RNF150: variants seen among roughly 807,000 people sequenced by gnomAD.
The protein encoded by RNF150 is ring finger protein 150.
RNF150 carries 24 observed loss-of-function variants against 39.3 expected under a neutral mutation model. The ratio of observed to expected loss-of-function variants is 0.61; its 90% confidence interval spans 0.44 to 0.86. The LOEUF (loss-of-function observed/expected upper bound fraction) is 0.86. Among genes scored for constraint, RNF150 ranks in the 40% least tolerant of loss-of-function variants. The pLI, the probability that RNF150 is intolerant of heterozygous loss-of-function variation, is 0.00. For synonymous variants in RNF150, 255 were observed against 227.3 expected (o/e 1.12, Z -1.10); for missense variants, 502 against 587.8 (o/e 0.85, Z 1.51).
At chr4:141,092,000 A>T (rs1003247102) in intron 1 of RNF150, among the ~76,000 whole-genome samples, 2 of 152,166 alleles carry the variant, frequency 1.3e-5, no homozygotes, top group Non-Finnish European at 2.9e-5. Context: ...TAGGTATACT[A>T]AGCTGTTATT....
rs545699529 is a variant in RNF150 at position 141,058,592 on chromosome 4, G to T, written c.484+73733C>A. On this transcript the variant is annotated intron_variant, in intron 1 of 6. Transcript: ENST00000515673. ...CAGACTGTACTGTGTCTCAGTCCAG[G>T]CTTGATCTGTTACTAGCAATATCAC... Among the ~76,000 whole-genome samples, 190 of 152,166 alleles carry T rather than the reference G, an allele frequency of 1.2e-3. 1 individual carries two copies. Among genetic ancestry groups the T allele is most frequent in the African/African-American group, 4.4e-3 (184 of 41,520 alleles).
At chr4:140,998,304 C>CATA (rs1321990665) in intron 1 of RNF150, among the ~76,000 whole-genome samples, 1 of 152,044 alleles carries the variant, frequency 6.6e-6, no homozygotes, top group African/African-American at 2.4e-5. Flanking sequence ...TAAATAAAGT[C>CATA]ATAAGGGTGA....
At chr4:141,173,671 G>T (rs989799500) in intron 1 of RNF150, among the ~76,000 whole-genome samples, 1 of 152,168 alleles carries the variant, frequency 6.6e-6, no homozygotes, top group Non-Finnish European at 1.5e-5. Context: ...TGAGTACATT[G>T]AGCAGAGCCA....
At chr4:141,047,655 T>C (rs2110879456) in intron 1 of RNF150, among the ~76,000 whole-genome samples, 1 of 152,312 alleles carries the variant, frequency 6.6e-6, no homozygotes, top group Non-Finnish European at 1.5e-5. Context: ...TTTATACCAC[T>C]GACTATGTTC....
intron 1 of RNF150, among the ~76,000 whole-genome samples, chr4:141,109,804 G>GGGGCC (rs1410548161): frequency 1.1e-4 from 17 of 152,108 alleles, no homozygotes; most frequent in Non-Finnish European, 2.5e-4. Flanking sequence ...TAGCAATTAA[G>GGGGCC]AAAACAAGGA....
intron 5 of RNF150, among the ~76,000 whole-genome samples, chr4:140,913,413 G>A (rs898832756): frequency 6.6e-6 from 1 of 152,132 alleles, no homozygotes; most frequent in African/African-American, 2.4e-5. Flanking sequence ...TTTGAAGACA[G>A]ACAGCACACC....
At chr4:141,095,777 T>C (rs1368283520) in intron 1 of RNF150, among the ~76,000 whole-genome samples, 2 of 152,202 alleles carry the variant, frequency 1.3e-5, no homozygotes, top group African/African-American at 2.4e-5. Flanking sequence ...AACTTCAAGA[T>C]AGTGGCTGCC....
chr4:140,875,657 T>C (rs1208327324), intron 6 of RNF150, among the ~76,000 whole-genome samples: 1 of 152,194 alleles, frequency 6.6e-6, no homozygotes. Context: ...TTAAATGATT[T>C]TGCATCCCTG....
chr4:141,057,266 A>C (rs1371894706), intron 1 of RNF150, among the ~76,000 whole-genome samples: 2 of 151,832 alleles, frequency 1.3e-5, no homozygotes, highest in Non-Finnish European at 2.9e-5. Flanking sequence ...TATTTATGTA[A>C]TAGGTTATAT....
chr4:141,075,383 A>G (rs796830608), intron 1 of RNF150, among the ~76,000 whole-genome samples: 3 of 152,368 alleles, frequency 2.0e-5, no homozygotes, highest in African/African-American at 7.2e-5. Flanking sequence ...AAGTTGGCCA[A>G]TTAAGGAAAG....
At chr4:140,943,533 T>C (rs1732169383) in intron 4 of RNF150, among the ~76,000 whole-genome samples, 2 of 152,236 alleles carry the variant, frequency 1.3e-5, no homozygotes, top group Admixed American at 1.3e-4. Flanking sequence ...GTGGAATCTT[T>C]CTTAACTTCC....
intron 1 of RNF150, among the ~76,000 whole-genome samples, chr4:141,082,159 G>A (rs1009561783): frequency 6.6e-6 from 1 of 152,178 alleles, no homozygotes; most frequent in Non-Finnish European, 1.5e-5. Context: ...GAACTCTTCA[G>A]AGAAAAGGGA....
intron 4 of RNF150, among the ~76,000 whole-genome samples, chr4:140,928,336 T>C (rs1191943707): frequency 6.7e-6 from 1 of 149,288 alleles, no homozygotes; most frequent in East Asian, 2.0e-4. Context: ...GTGACGAAGC[T>C]GAAACCTAAG....
At chr4:140,897,582 C>G (rs1032770413) in intron 6 of RNF150, among the ~76,000 whole-genome samples, 1 of 152,178 alleles carries the variant, frequency 6.6e-6, no homozygotes, top group African/African-American at 2.4e-5. Flanking sequence ...CCATTTACTC[C>G]ATGTGTGACC....
intron 2 of RNF150, among the ~76,000 whole-genome samples, chr4:140,955,459 C>T (rs559101509): frequency 1.3e-4 from 20 of 152,264 alleles, no homozygotes; most frequent in African/African-American, 4.8e-4. Flanking sequence ...CACTTAAACA[C>T]TGTGGCCCTC....
At chr4:140,910,271 C>T (rs1730541552) in intron 6 of RNF150, among the ~76,000 whole-genome samples, 1 of 152,140 alleles carries the variant, frequency 6.6e-6, no homozygotes, top group Admixed American at 6.6e-5. Context: ...GAATAGGTTA[C>T]TTCTGTCAAG....
At chr4:141,072,081 G>A (rs139366050) in intron 1 of RNF150, among the ~76,000 whole-genome samples, 39 of 152,322 alleles carry the variant, frequency 2.6e-4, no homozygotes, top group African/African-American at 8.2e-4. Flanking sequence ...CAAGATCCCA[G>A]AGTGTGGATA....
intron 1 of RNF150, among the ~76,000 whole-genome samples, chr4:141,065,093 G>A (rs1578687086): frequency 6.6e-6 from 1 of 152,146 alleles, no homozygotes; most frequent in Non-Finnish European, 1.5e-5. Flanking sequence ...TTGATCTCCT[G>A]ACCTCAGGTG....
At chr4:141,116,744 T>C (rs1344342176) in intron 1 of RNF150, among the ~76,000 whole-genome samples, 6 of 152,212 alleles carry the variant, frequency 3.9e-5, no homozygotes, top group Admixed American at 6.5e-5. Flanking sequence ...CCAACCCACA[T>C]GTCTATCAAT....
Sources: allele counts gnomAD v4.1 joint callset (sites outside exome capture counted in the v4.1 genomes callset), GRCh38; gene constraint gnomAD v4.1.1; transcripts MANE v1.5; gene names NCBI Gene and HGNC (gene_info 2026-07-23, HGNC 2026-07-21).